Variants in MAD1L1 observed in about 807,000 individuals in gnomAD.
MAD1L1 encodes the protein mitotic spindle assembly checkpoint protein MAD1.
Under a neutral mutation model 96.9 loss-of-function variants are expected in MAD1L1, and 95 were observed. The observed-to-expected ratio is 0.98, with a 90% CI of 0.83 to 1.16. The LOEUF (loss-of-function observed/expected upper bound fraction) is 1.16. Among genes scored for constraint, MAD1L1 ranks in the 50% most tolerant of loss-of-function variants. The pLI is 0.00. For missense variants in MAD1L1, 1,007 were observed against 954.4 expected (o/e 1.06, Z -0.73); for synonymous variants, 473 against 396.6 (o/e 1.19, Z -2.29).
At chr7:2,150,662 T>TG (rs1789528686) in intron 10 of MAD1L1, among the ~76,000 whole-genome samples, 1 of 152,214 alleles carries the variant, frequency 6.6e-6, no homozygotes, top group Non-Finnish European at 1.5e-5. Flanking sequence ...TGGAGTGTCT[T>TG]CCATCACTGG....
chr7:1,957,177 A>G (rs940003472), intron 16 of MAD1L1, among the ~76,000 whole-genome samples: 1 of 152,278 alleles, frequency 6.6e-6, no homozygotes, highest in African/African-American at 2.4e-5. Flanking sequence ...GGTCATAAAA[A>G]ATAGATTTGA....
At chr7:1,910,849 G>A (rs1175952533) in intron 17 of MAD1L1, among the ~76,000 whole-genome samples, 3 of 152,214 alleles carry the variant, frequency 2.0e-5, no homozygotes, top group Non-Finnish European at 4.4e-5. Flanking sequence ...AACCGACGAT[G>A]AGAAAGCAGG....
chr7:2,211,097 AG>A (rs1415615679), intron 10 of MAD1L1, among the ~76,000 whole-genome samples: 1 of 152,198 alleles, frequency 6.6e-6, no homozygotes, highest in African/African-American at 2.4e-5. Flanking sequence ...TCAAAGCTGC[AG>A]GGCGCCACAC....
At chr7:2,220,976 G>A (rs1162361471) in intron 5 of MAD1L1, 1 of 1,612,544 alleles carries the variant, frequency 6.2e-7, no homozygotes. Flanking sequence ...TGGCAAGGAA[G>A]AGGCGCATAA....
At chr7:1,917,308 C>T (rs1583778855) in intron 17 of MAD1L1, among the ~76,000 whole-genome samples, 1 of 152,220 alleles carries the variant, frequency 6.6e-6, no homozygotes, top group Admixed American at 6.5e-5. Flanking sequence ...GCCCTGCACA[C>T]GTGCGCTGTG....
chr7:2,071,292 C>A (rs187817843), intron 11 of MAD1L1, among the ~76,000 whole-genome samples: 2 of 152,186 alleles, frequency 1.3e-5, no homozygotes, highest in Admixed American at 6.5e-5. Context: ...GACTTGGTGG[C>A]GGTCCTGACC....
At chr7:1,905,614 C>G (rs1468604971) in intron 17 of MAD1L1, among the ~76,000 whole-genome samples, 1 of 152,242 alleles carries the variant, frequency 6.6e-6, no homozygotes. Flanking sequence ...ATGGAAGATG[C>G]TCTTGTGGAA....
At chr7:1,959,169 T>C (rs866644469) in intron 15 of MAD1L1, among the ~76,000 whole-genome samples, 2 of 152,094 alleles carry the variant, frequency 1.3e-5, no homozygotes, top group East Asian at 1.9e-4. Flanking sequence ...TAAGAATCGC[T>C]TGAACCCAGG....
chr7:1,870,127 C>T (rs1357436305), intron 18 of MAD1L1, among the ~76,000 whole-genome samples: 5 of 152,206 alleles, frequency 3.3e-5, no homozygotes, highest in Middle Eastern at 3.4e-3. Flanking sequence ...CCAGAACTGT[C>T]GGCAGGAAGG....
intron 13 of MAD1L1, among the ~76,000 whole-genome samples, chr7:2,009,461 C>T (rs1349598402): frequency 6.6e-6 from 1 of 152,206 alleles, no homozygotes; most frequent in Non-Finnish European, 1.5e-5. Context: ...CTCAGGCCTC[C>T]ACCTTCCTGG....
intron 3 of MAD1L1, among the ~76,000 whole-genome samples, chr7:2,229,158 C>A (rs1329896892): frequency 6.6e-6 from 1 of 152,228 alleles, no homozygotes; most frequent in East Asian, 1.9e-4. Context: ...GAAGCCAGAG[C>A]CTCCTCTAAT....
intron 18 of MAD1L1, among the ~76,000 whole-genome samples, chr7:1,875,093 T>C (rs541360828): frequency 6.6e-6 from 1 of 152,158 alleles, no homozygotes; most frequent in East Asian, 1.9e-4. Flanking sequence ...CCAATCCAGG[T>C]GAAGGTCCCT....
intron 14 of MAD1L1, 113 bp from the exon 15 acceptor site, chr7:1,980,654 G>A (rs1780862387): frequency 1.3e-6 from 1 of 799,338 alleles, no homozygotes; most frequent in Admixed American, 2.0e-5. Context: ...CCCTGGGCTG[G>A]GAGCTGCGGG....
At chr7:1,874,001 C>T (rs1478760378) in intron 18 of MAD1L1, among the ~76,000 whole-genome samples, 2 of 151,970 alleles carry the variant, frequency 1.3e-5, no homozygotes, top group South Asian at 2.1e-4. Flanking sequence ...GGTGGGGAGG[C>T]GTGGAACACA....
chr7:2,048,836 C>T (rs1467476108), intron 12 of MAD1L1, among the ~76,000 whole-genome samples: 2 of 152,248 alleles, frequency 1.3e-5, no homozygotes, highest in Non-Finnish European at 2.9e-5. Context: ...TCCCACTTCC[C>T]CAAGCCAGCG....
chr7:1,844,308 G>C (rs1167255550), intron 18 of MAD1L1: 3 of 153,580 alleles, frequency 2.0e-5, no homozygotes, highest in Non-Finnish European at 2.9e-5. Context: ...GCTTGAGGAA[G>C]CACTCCCAGT....
At chr7:1,840,538 T>C (rs1783193918) in intron 18 of MAD1L1, among the ~76,000 whole-genome samples, 1 of 152,124 alleles carries the variant, frequency 6.6e-6, no homozygotes, top group African/African-American at 2.4e-5. Context: ...CAGACCAGCC[T>C]GGCCAACATG....
chr7:1,829,047 T>C (rs1251953243), intron 18 of MAD1L1, among the ~76,000 whole-genome samples: 3 of 151,758 alleles, frequency 2.0e-5, no homozygotes, highest in Non-Finnish European at 2.9e-5. Flanking sequence ...GAAAAGCGCA[T>C]ACAAACAAAA....
At chr7:1,953,631 C>T (rs796260301) in intron 16 of MAD1L1, among the ~76,000 whole-genome samples, 4 of 152,394 alleles carry the variant, frequency 2.6e-5, no homozygotes, top group East Asian at 1.9e-4. Flanking sequence ...AATAAAGTGG[C>T]GCGGCGGCTG....
Sources: allele counts gnomAD v4.1 joint callset (sites outside exome capture counted in the v4.1 genomes callset), GRCh38; gene constraint gnomAD v4.1.1; transcripts MANE v1.5; gene names NCBI Gene and HGNC (gene_info 2026-07-23, HGNC 2026-07-21).